Variants in C9 observed in about 807,000 individuals in gnomAD.
C9 encodes complement C9.
C9 carries 63 observed loss-of-function variants against 65.4 expected under a neutral mutation model. That is an observed-to-expected ratio of 0.96 (90% CI 0.79 to 1.19). C9 has a LOEUF of 1.19. Among genes scored for constraint, C9 ranks in the 50% most tolerant of loss-of-function variants. The pLI is 0.00. For missense variants in C9, 744 were observed against 670.1 expected (o/e 1.11, Z -1.22); for synonymous variants, 229 against 227.9 (o/e 1.00, Z -0.04).
intron 6 of C9, among the ~76,000 whole-genome samples, chr5:39,313,558 TG>T (rs2111891907): frequency 1.3e-5 from 2 of 152,280 alleles, no homozygotes; most frequent in South Asian, 4.1e-4. Flanking sequence ...TCAGGTAAAA[TG>T]CAATTCTGGA....
intron 1 of C9, among the ~76,000 whole-genome samples, chr5:39,348,164 A>T (rs2111968793): frequency 6.6e-6 from 1 of 152,284 alleles, no homozygotes; most frequent in South Asian, 2.1e-4. Flanking sequence ...GCCAAAATTG[A>T]CAAATGGGAT....
At chr5:39,341,769 C>G (rs1296041170) in intron 2 of C9, 69 bp from the exon 3 acceptor site, 3 of 1,391,308 alleles carry the variant, frequency 2.2e-6, no homozygotes, top group Non-Finnish European at 3.1e-6. Flanking sequence ...AAAGGTGCAT[C>G]CATACAACTA....
At chr5:39,341,741 A>C in intron 2 of C9, 41 bp from the exon 3 acceptor site, 1 of 1,583,816 alleles carries the variant, frequency 6.3e-7, no homozygotes, top group Non-Finnish European at 8.7e-7. Flanking sequence ...TTCTAATGCC[A>C]AAAAAAGGGT....
At chr5:39,326,935 A>G (rs1202048697) in intron 5 of C9, among the ~76,000 whole-genome samples, 1 of 152,172 alleles carries the variant, frequency 6.6e-6, no homozygotes, top group Admixed American at 6.5e-5. Context: ...ATATGCTGGC[A>G]TGAATTTTTT....
Position 39,288,737 on chromosome 5 carries a change from T to A in C9, c.1631A>T (p.Gln544Leu). Residue 544 changes from glutamine (Q) to leucine (L), a missense_variant, in exon 10 of 11, where the codon CAA (glutamine) becomes CTA (leucine). Physicochemically the swap from Gln to Leu is moderately radical, Grantham distance 113. Coordinates refer to ENST00000263408, the MANE Select transcript of C9 (RefSeq NM_001737.5). ...ATTGTCCTCACCTTCAGAAATTTTT[T>A]GTTTACTGATTTCACAGGCAATTCC... ...FEGIACEISK[Q>L]KISEGLPALE... The A allele has an allele frequency of 1.2e-6, 2 of 1,605,770 alleles. No homozygotes were observed. The highest frequency in any genetic ancestry group is 1.7e-6 in the Non-Finnish European group (2 of 1,172,878).
chr5:39,338,913 T>C (rs1754017395), intron 4 of C9, among the ~76,000 whole-genome samples: 1 of 152,256 alleles, frequency 6.6e-6, no homozygotes. Context: ...GTTTTTCAGC[T>C]AAATGGGCCA....
Position 39,359,098 on chromosome 5 carries a change from G to GTATATATATATA in C9, c.77+5289_77+5290insTATATATATATA, listed in dbSNP as rs1375624632. On this transcript the variant is annotated intron_variant, in intron 1 of 10. Coordinates refer to ENST00000263408, the MANE Select transcript of C9 (RefSeq NM_001737.5). ...TGTGTGTATATATATATGTGTGTGT[G>GTATATATATATA]TGTGTATATATATATATATATATAT... Among the ~76,000 whole-genome samples, 103 of 96,446 alleles carry GTATATATATATA rather than the reference G, an allele frequency of 1.1e-3. 2 individuals are homozygous for GTATATATATATA. Among genetic ancestry groups the GTATATATATATA allele is most frequent in the African/African-American group, 4.2e-3 (94 of 22,364 alleles). The allele number at this position is 96,446 out of a possible 152,430, so 63.3% of individuals were successfully genotyped here.
chr5:39,344,895 C>T (rs1002447542), intron 1 of C9, among the ~76,000 whole-genome samples: 3 of 152,146 alleles, frequency 2.0e-5, no homozygotes, highest in Admixed American at 6.5e-5. Flanking sequence ...GAATTTTCAA[C>T]CCAGAATTTC....
intron 1 of C9, among the ~76,000 whole-genome samples, chr5:39,348,293 G>T (rs1191469822): frequency 6.6e-6 from 1 of 152,086 alleles, no homozygotes; most frequent in African/African-American, 2.4e-5. Flanking sequence ...CTAATATCCA[G>T]AATCTACAAA....
At chr5:39,334,036 C>A (rs545969409) in intron 4 of C9, among the ~76,000 whole-genome samples, 12 of 152,162 alleles carry the variant, frequency 7.9e-5, no homozygotes, top group Non-Finnish European at 1.5e-4. Flanking sequence ...GCCGCCACCC[C>A]GTCTGGGAAG....
In C9 at chr5:39,341,361, C is replaced by G. The variant is rs1754078178; in HGVS notation, c.329-68G>C. ...ATTTTCTCTTTCTTTCTGAAGTTAT[C>G]AAATGCATTTTAACCCTGGAGGTGA... On this transcript the variant is annotated intron_variant, in intron 3 of 10. Coordinates refer to ENST00000263408, the MANE Select transcript of C9 (RefSeq NM_001737.5). 10 of 1,577,166 alleles carry G rather than the reference C, an allele frequency of 6.3e-6. No individual in the cohort carries two copies. In the Admixed American group the frequency reaches 1.7e-4, roughly 26 times the overall value.
At chr5:39,357,780 G>T (rs888010430) in intron 1 of C9, among the ~76,000 whole-genome samples, 2 of 152,178 alleles carry the variant, frequency 1.3e-5, no homozygotes, top group African/African-American at 4.8e-5. Flanking sequence ...GTTTATGTGT[G>T]CTTCTATTGA....
chr5:39,352,789 G>A (rs1486766576), intron 1 of C9, among the ~76,000 whole-genome samples: 3 of 151,618 alleles, frequency 2.0e-5, no homozygotes, highest in Non-Finnish European at 4.4e-5. Context: ...ATTCAGTTAC[G>A]AGAAACCTTC....
At chr5:39,337,580 G>A (rs574318527) in intron 4 of C9, among the ~76,000 whole-genome samples, 21 of 152,350 alleles carry the variant, frequency 1.4e-4, no homozygotes, top group South Asian at 4.1e-4. Context: ...CTAGAACCAC[G>A]GGCAGTTCCA....
chr5:39,287,809 A>T (rs1028685764), intron 10 of C9, among the ~76,000 whole-genome samples: 3 of 151,928 alleles, frequency 2.0e-5, no homozygotes, highest in Admixed American at 1.3e-4. Flanking sequence ...AATAATAGAC[A>T]GTGGGGACTC....
intron 5 of C9, 55 bp from the exon 6 acceptor site, chr5:39,316,084 A>G: frequency 2.1e-6 from 3 of 1,448,130 alleles, no homozygotes; most frequent in Non-Finnish European, 2.9e-6. Flanking sequence ...AAAAGGAAAA[A>G]CAAGCAGAAC....
intron 9 of C9, among the ~76,000 whole-genome samples, chr5:39,289,438 CTTG>C (rs1579836075): frequency 8.2e-6 from 1 of 121,724 alleles, no homozygotes; most frequent in Non-Finnish European, 1.9e-5. Flanking sequence ...TAATTTCTTT[CTTG>C]TTTTTTTTTT....
intron 9 of C9, among the ~76,000 whole-genome samples, chr5:39,294,966 G>C (rs1451539326): frequency 6.6e-6 from 1 of 151,776 alleles, no homozygotes; most frequent in Non-Finnish European, 1.5e-5. Flanking sequence ...GAAACCATGT[G>C]ATCATCTCAA....
chr5:39,354,783 C>T (rs938518732), intron 1 of C9, among the ~76,000 whole-genome samples: 26 of 152,094 alleles, frequency 1.7e-4, no homozygotes, highest in African/African-American at 6.3e-4. Flanking sequence ...CCCTGCATAG[C>T]TAATAATAGG....
Sources: allele counts gnomAD v4.1 joint callset (sites outside exome capture counted in the v4.1 genomes callset), GRCh38; gene constraint gnomAD v4.1.1; transcripts MANE v1.5; gene names NCBI Gene and HGNC (gene_info 2026-07-23, HGNC 2026-07-21).